Variants in USH2A observed in about 807,000 individuals in gnomAD.
The protein encoded by USH2A is usherin.
In USH2A, 443 loss-of-function variants were observed where a neutral mutation model predicts 538.9. The ratio of observed to expected loss-of-function variants is 0.82; its 90% confidence interval spans 0.76 to 0.89. The LOEUF (loss-of-function observed/expected upper bound fraction) is 0.89. Ranked by LOEUF, USH2A falls within the 40% of genes least tolerant of loss-of-function variation. The probability of loss-of-function intolerance (pLI) is 0.00; values close to 1 mark genes in which losing one functional copy is unlikely to be tolerated. For synonymous variants in USH2A, 2,413 were observed against 2,273.5 expected (o/e 1.06, Z -1.75); for missense variants, 6,633 against 6,324.8 (o/e 1.05, Z -1.65).
Position 215,900,179 on chromosome 1 carries a change from A to ACTT in USH2A, c.7487_7489dup (p.Glu2496dup), listed in dbSNP as rs2102469616. On this transcript the variant is annotated inframe_insertion, in exon 40 of 72. Coordinates refer to ENST00000307340, the MANE Select transcript of USH2A (RefSeq NM_206933.4). ...CTCTGTGTACGGTTGGAGATCACTC[A>ACTT]CTTCATAGCTTAACGATGCAGAAGG... 1 of 1,613,762 alleles carries ACTT rather than the reference A, an allele frequency of 6.2e-7. No individual in the cohort carries two copies. Among genetic ancestry groups the ACTT allele is most frequent in the East Asian group, 2.2e-5 (1 of 44,846 alleles).
intron 47 of USH2A, among the ~76,000 whole-genome samples, chr1:215,831,531 A>T (rs910503040): frequency 1.1e-4 from 16 of 152,202 alleles, no homozygotes; most frequent in African/African-American, 3.9e-4. Context: ...TAATAGAATT[A>T]AACTGGAAAC....
chr1:215,631,370 T>TG (rs1656279291), intron 70 of USH2A, among the ~76,000 whole-genome samples: 2 of 152,176 alleles, frequency 1.3e-5, no homozygotes, highest in African/African-American at 4.8e-5. Flanking sequence ...CTGGATTCTT[T>TG]CCCACCTGAG....
intron 3 of USH2A, among the ~76,000 whole-genome samples, chr1:216,406,540 T>C (rs1209416504): frequency 1.3e-5 from 2 of 152,180 alleles, no homozygotes; most frequent in African/African-American, 2.4e-5. Flanking sequence ...AAGCACTACC[T>C]ATACTAGACC....
intron 14 of USH2A, among the ~76,000 whole-genome samples, chr1:216,229,422 C>A (rs2102516394): frequency 6.6e-6 from 1 of 151,802 alleles, no homozygotes; most frequent in East Asian, 2.0e-4. Context: ...CTCAAGCAGT[C>A]CTCCCACATC....
At chr1:216,283,848 T>C (rs2036832126) in intron 11 of USH2A, among the ~76,000 whole-genome samples, 1 of 152,214 alleles carries the variant, frequency 6.6e-6, no homozygotes, top group Non-Finnish European at 1.5e-5. Context: ...TTTTTCACTT[T>C]GCATATTGAA....
intron 44 of USH2A, among the ~76,000 whole-genome samples, chr1:215,852,786 A>G (rs1389845686): frequency 6.6e-6 from 1 of 152,194 alleles, no homozygotes; most frequent in South Asian, 2.1e-4. Context: ...AAAGCTCCAA[A>G]ATGATCTCTT....
chr1:215,771,920 TTCTA>T (rs2102753272), intron 55 of USH2A, among the ~76,000 whole-genome samples: 1 of 152,276 alleles, frequency 6.6e-6, no homozygotes, highest in African/African-American at 2.4e-5. Flanking sequence ...TAAAACCATA[TTCTA>T]TCTTTTAGTT....
At chr1:216,420,677 A>C (rs1293848195) in intron 2 of USH2A, among the ~76,000 whole-genome samples, 1 of 152,162 alleles carries the variant, frequency 6.6e-6, no homozygotes, top group Non-Finnish European at 1.5e-5. Context: ...TATTTGTCAA[A>C]AGACAATGTT....
intron 4 of USH2A, among the ~76,000 whole-genome samples, chr1:216,363,955 T>C (rs1394040376): frequency 6.6e-6 from 1 of 151,610 alleles, no homozygotes; most frequent in Non-Finnish European, 1.5e-5. Flanking sequence ...AGTTAAATTA[T>C]ATCTATCTCT....
chr1:216,001,664 C>T (rs1270485762), intron 32 of USH2A, among the ~76,000 whole-genome samples: 2 of 152,088 alleles, frequency 1.3e-5, no homozygotes, highest in African/African-American at 4.8e-5. Flanking sequence ...ATTCTTAAAT[C>T]TCATTAACCA....
chr1:216,102,899 T>C (rs1417228349), intron 21 of USH2A, among the ~76,000 whole-genome samples: 1 of 152,158 alleles, frequency 6.6e-6, no homozygotes, highest in Non-Finnish European at 1.5e-5. Flanking sequence ...CCCAAATGCA[T>C]AGGGTCACAA....
chr1:216,130,612 CTA>C (rs578222726), intron 21 of USH2A, among the ~76,000 whole-genome samples: 5 of 143,460 alleles, frequency 3.5e-5, no homozygotes, highest in African/African-American at 1.3e-4. Flanking sequence ...TGTATATATA[CTA>C]TATATATACA....
chr1:215,808,737 T>C (rs1662574044), intron 49 of USH2A, among the ~76,000 whole-genome samples: 1 of 152,158 alleles, frequency 6.6e-6, no homozygotes. Context: ...TTGGCACTTA[T>C]CAATACTTTG....
intron 64 of USH2A, among the ~76,000 whole-genome samples, chr1:215,654,851 G>T (rs986042236): frequency 6.6e-6 from 1 of 151,994 alleles, no homozygotes; most frequent in Non-Finnish European, 1.5e-5. Flanking sequence ...AAATGAAATT[G>T]TTCTTTTATT....
chr1:216,236,709 T>G (rs1323286442), intron 13 of USH2A, among the ~76,000 whole-genome samples: 1 of 152,124 alleles, frequency 6.6e-6, no homozygotes, highest in East Asian at 1.9e-4. Flanking sequence ...GGAGTGTATA[T>G]GGATCAGACA....
At chr1:216,193,781 G>A (rs533457743) in intron 19 of USH2A, among the ~76,000 whole-genome samples, 102 of 152,160 alleles carry the variant, frequency 6.7e-4, no homozygotes, top group African/African-American at 2.4e-3. Flanking sequence ...TTGTCTCCTA[G>A]AGCCTGTGGG....
intron 16 of USH2A, among the ~76,000 whole-genome samples, chr1:216,202,769 C>T (rs1462071798): frequency 2.0e-5 from 3 of 152,122 alleles, no homozygotes; most frequent in African/African-American, 7.2e-5. Flanking sequence ...CATCACGCTT[C>T]CTCAACTACA....
intron 50 of USH2A, among the ~76,000 whole-genome samples, chr1:215,792,103 T>C (rs548241335): frequency 6.6e-6 from 1 of 152,256 alleles, no homozygotes; most frequent in African/African-American, 2.4e-5. Flanking sequence ...GAGCGGAATA[T>C]ATTCTCCCCC....
chr1:216,240,521 T>TAA (rs1376457504), intron 13 of USH2A, among the ~76,000 whole-genome samples: 3 of 133,476 alleles, frequency 2.2e-5, no homozygotes, highest in African/African-American at 2.8e-5. Context: ...TCCAGGTCGT[T>TAA]AAAAAAAAAA....
Sources: gnomAD v4.1 joint callset for allele counts (sites outside exome capture counted in the v4.1 genomes callset) on GRCh38, gnomAD v4.1.1 for gene constraint, MANE v1.5 for transcripts, NCBI Gene and HGNC (gene_info 2026-07-23, HGNC 2026-07-21) for gene names.